The following FOXN3 variants were observed in gnomAD, a reference collection of about 807,000 sequenced individuals.
FOXN3 encodes forkhead box protein N3.
Under a neutral mutation model 38.4 loss-of-function variants are expected in FOXN3, and 7 were observed. The ratio of observed to expected loss-of-function variants is 0.18; its 90% CI spans 0.10 to 0.34. FOXN3 has a LOEUF of 0.34. FOXN3 is among the 10% of genes least tolerant of loss of function. The pLI, the probability that FOXN3 is intolerant of heterozygous loss-of-function variation, is 1.00. For missense variants in FOXN3, 456 were observed against 613.4 expected, an observed-to-expected ratio of 0.74 and a Z score of 2.71; for synonymous variants, 230 against 242.2, an observed-to-expected ratio of 0.95 and a Z score of 0.47.
chr14:89,306,557 C>G (rs1324419480), intron 3 of FOXN3, among the ~76,000 whole-genome samples: 2 of 151,984 alleles, frequency 1.3e-5, no homozygotes, highest in Non-Finnish European at 2.9e-5. Context: ...TTAGTAGAGA[C>G]GGGGTTTCAC....
chr14:89,262,786 G>A (rs1177804824), intron 4 of FOXN3, among the ~76,000 whole-genome samples: 2 of 152,096 alleles, frequency 1.3e-5, no homozygotes, highest in Non-Finnish European at 2.9e-5. Context: ...AAACCTAAGA[G>A]GCAGCATTAA....
At chr14:89,336,358 T>C (rs1050991041) in intron 3 of FOXN3, among the ~76,000 whole-genome samples, 3 of 152,170 alleles carry the variant, frequency 2.0e-5, no homozygotes, top group Admixed American at 6.5e-5. Context: ...CAGTTTCCAA[T>C]GGCAGGAACT....
intron 4 of FOXN3, chr14:89,184,216 T>G (rs1425931362): frequency 1.3e-5 from 2 of 152,182 alleles, no homozygotes; most frequent in Non-Finnish European, 2.9e-5. Flanking sequence ...GCTCCCCTTG[T>G]GCATAGCATG....
chr14:89,266,122 G>T (rs1885971911), intron 4 of FOXN3, among the ~76,000 whole-genome samples: 1 of 152,216 alleles, frequency 6.6e-6, no homozygotes, highest in African/African-American at 2.4e-5. Flanking sequence ...AATATATTAA[G>T]TCAGTTCAGG....
rs548568703 is a variant in FOXN3, at chr14:89,240,438, C to A, written c.745+40512G>T. Among the ~76,000 whole-genome samples the A allele has an allele frequency of 6.6e-5, 10 of 152,332 alleles. No homozygotes were observed. The East Asian group carries it at 1.5e-3, about 23-fold the overall frequency. Reference sequence around the variant, plus strand: ...AAGATACATGCAGGAGTATTCACTGCAACACTGTTTGTATAATGCCCACTA... The same window carrying A: ...AAGATACATGCAGGAGTATTCACTGAAACACTGTTTGTATAATGCCCACTA... On this transcript the variant is annotated intron_variant, in intron 4 of 5. Coordinates refer to ENST00000557258, the MANE Select transcript of FOXN3 (RefSeq NM_005197.4).
At chr14:89,313,861 G>A (rs947391101) in intron 3 of FOXN3, among the ~76,000 whole-genome samples, 44 of 152,162 alleles carry the variant, frequency 2.9e-4, no homozygotes, top group African/African-American at 9.9e-4. Flanking sequence ...GGGACACTGC[G>A]CTAAGTGAAA....
chr14:89,490,227 T>C (rs1424964572), intron 1 of FOXN3, among the ~76,000 whole-genome samples: 6 of 152,242 alleles, frequency 3.9e-5, no homozygotes. Flanking sequence ...CGACGGCTAA[T>C]GAATTGTTAG....
At position 89,551,006 on chromosome 14, in the gene FOXN3, C is replaced by A. The variant is rs74079991; in HGVS notation, c.-15+68022G>T. ...GACGCACACACGAATGTTTCTGGCT[C>A]GCCTTAAAAGAAAGAAACTCTTTCA... On this transcript the variant is annotated intron_variant, in intron 1 of 6. Coordinates refer to the FOXN3 transcript ENST00000345097. Among the ~76,000 whole-genome samples, 1,201 of 152,250 alleles carry A rather than the reference C, an allele frequency of 7.9e-3. 6 individuals carry two copies. Among genetic ancestry groups the A allele is most frequent in the Middle Eastern group, 0.017 (5 of 294 alleles).
At position 89,480,037 on chromosome 14, in the gene FOXN3, C is replaced by T. The variant is rs947657438; in HGVS notation, c.-14-67547G>A. On this transcript the variant is annotated intron_variant, in intron 1 of 6. Transcript: ENST00000345097. ...TTGCCCAATTTTTAACTACATTTGG[C>T]CTGTTTGTATCCCATGTTGTAAGCA... Among the ~76,000 whole-genome samples the T allele has an allele frequency of 2.7e-4, 41 of 152,136 alleles. 1 individual carries two copies. Among genetic ancestry groups the T allele is most frequent in the Non-Finnish European group, 5.9e-5 (4 of 68,024 alleles).
intron 1 of FOXN3, among the ~76,000 whole-genome samples, chr14:89,590,926 G>A (rs993247557): frequency 3.3e-5 from 5 of 152,128 alleles, no homozygotes; most frequent in African/African-American, 7.2e-5. Flanking sequence ...GAATCTGAAC[G>A]GTCAGGCCTT....
At chr14:89,279,842 G>A (rs926894048) in intron 4 of FOXN3, among the ~76,000 whole-genome samples, 1 of 152,170 alleles carries the variant, frequency 6.6e-6, no homozygotes, top group Admixed American at 6.5e-5. Flanking sequence ...CTATAAATCA[G>A]CACTAAAAAT....
chr14:89,335,336 T>C (rs1182657643), intron 3 of FOXN3, among the ~76,000 whole-genome samples: 2 of 152,202 alleles, frequency 1.3e-5, no homozygotes, highest in Admixed American at 6.5e-5. Flanking sequence ...TTACTTTCAG[T>C]TGAGTCTCTC....
intron 4 of FOXN3, among the ~76,000 whole-genome samples, chr14:89,245,085 G>C (rs1383577480): frequency 6.6e-6 from 1 of 152,210 alleles, no homozygotes; most frequent in Non-Finnish European, 1.5e-5. Flanking sequence ...TTATAGATGA[G>C]AAAGTGAAGC....
intron 1 of FOXN3, among the ~76,000 whole-genome samples, chr14:89,524,281 G>C (rs1894381917): frequency 7.0e-6 from 1 of 143,110 alleles, no homozygotes; most frequent in Non-Finnish European, 1.5e-5. Context: ...GGCTGAGGCA[G>C]GAGAATGGTG....
chr14:89,410,567 A>G (rs1450608101), intron 2 of FOXN3, among the ~76,000 whole-genome samples: 1 of 152,186 alleles, frequency 6.6e-6, no homozygotes, highest in Non-Finnish European at 1.5e-5. Context: ...TACGAAACCT[A>G]TTATGTTCCT....
At chr14:89,378,886 T>C (rs934494964) in intron 2 of FOXN3, among the ~76,000 whole-genome samples, 5 of 152,110 alleles carry the variant, frequency 3.3e-5, no homozygotes, top group African/African-American at 1.2e-4. Flanking sequence ...TTTGTATTTT[T>C]AGTAGAGACA....
intron 1 of FOXN3, among the ~76,000 whole-genome samples, chr14:89,467,828 T>TGG (rs1555355568): frequency 6.4e-5 from 8 of 125,204 alleles, no homozygotes; most frequent in Non-Finnish European, 1.2e-4. Flanking sequence ...TTTTTTTTTT[T>TGG]GGGTAGAGAT....
At chr14:89,326,244 G>T (rs929201504) in intron 3 of FOXN3, among the ~76,000 whole-genome samples, 27 of 152,126 alleles carry the variant, frequency 1.8e-4, no homozygotes, top group Non-Finnish European at 2.9e-4. Context: ...TAAGGCAGAA[G>T]CCTTTACATA....
At chr14:89,294,616 T>A (rs1886981127) in intron 3 of FOXN3, among the ~76,000 whole-genome samples, 1 of 152,038 alleles carries the variant, frequency 6.6e-6, no homozygotes. Flanking sequence ...TAAAACAGAT[T>A]GCATTAAAGC....
Sources: allele counts gnomAD v4.1 joint callset (sites outside exome capture counted in the v4.1 genomes callset), GRCh38; gene constraint gnomAD v4.1.1; transcripts MANE v1.5; gene names NCBI Gene and HGNC (gene_info 2026-07-23, HGNC 2026-07-21).